The following SYNPO2 variants were observed in gnomAD, a reference collection of about 807,000 sequenced individuals.
SYNPO2 encodes the protein synaptopodin 2, also known as synaptopodin-2.
A neutral mutation model predicts 85.0 loss-of-function variants in SYNPO2; 56 were observed. The observed-to-expected ratio is 0.66, with a 90% CI of 0.53 to 0.82. SYNPO2 has a LOEUF of 0.82. Among genes scored for constraint, SYNPO2 ranks in the 40% least tolerant of loss-of-function variants. SYNPO2 has a pLI of 0.00. For synonymous variants in SYNPO2, 602 were observed against 591.1 expected, an observed-to-expected ratio of 1.02 and a Z score of -0.27; for missense variants, 1,575 against 1,534.2, an observed-to-expected ratio of 1.03 and a Z score of -0.44.
intron 4 of SYNPO2, chr4:119,042,169 C>G (rs1738736945): frequency 6.6e-6 from 1 of 152,172 alleles, no homozygotes; most frequent in African/African-American, 2.4e-5. Flanking sequence ...CTCCTTCCCT[C>G]TCAGTGCTTC....
At chr4:118,990,187 T>C (rs192762952) in intron 1 of SYNPO2, among the ~76,000 whole-genome samples, 2 of 152,250 alleles carry the variant, frequency 1.3e-5, no homozygotes, top group Admixed American at 1.3e-4. Flanking sequence ...ACCTATCATA[T>C]TGGATTATTG....
chr4:118,906,077 T>G (rs913680517), intron 1 of SYNPO2, among the ~76,000 whole-genome samples: 1 of 152,152 alleles, frequency 6.6e-6, no homozygotes, highest in Admixed American at 6.5e-5. Context: ...ACATAACATG[T>G]ATAACTAGAT....
intron 1 of SYNPO2, among the ~76,000 whole-genome samples, chr4:118,862,052 T>C (rs1399433138): frequency 6.6e-6 from 1 of 152,218 alleles, no homozygotes; most frequent in Non-Finnish European, 1.5e-5. Context: ...ATTGTAGAGA[T>C]CTTTCACTTT....
intron 1 of SYNPO2, among the ~76,000 whole-genome samples, chr4:118,977,637 TGGGATCCAGCCATTCTCCTGATGGCA>T (rs1181858377): frequency 2.0e-5 from 3 of 152,244 alleles, no homozygotes; most frequent in African/African-American, 7.2e-5. Context: ...GCCTTGTGGG[TGGGATCCAGCCATTCTCCTGATGGCA>T]GGGAAGAGCT....
chr4:118,871,226 C>G (rs1731793503), intron 1 of SYNPO2, among the ~76,000 whole-genome samples: 1 of 152,188 alleles, frequency 6.6e-6, no homozygotes, highest in East Asian at 1.9e-4. Flanking sequence ...CCTTCCTCTA[C>G]CACATCCCTC....
intron 1 of SYNPO2, among the ~76,000 whole-genome samples, chr4:119,021,631 T>G (rs1359957624): frequency 3.3e-5 from 5 of 152,164 alleles, no homozygotes; most frequent in Non-Finnish European, 7.4e-5. Context: ...ATAGGTGGCA[T>G]GCTCAAAGAA....
In SYNPO2 at chr4:118,907,371, T is replaced by A. The variant is rs560464463; in HGVS notation, c.105+18230T>A. 2.2e-4 allele frequency among the ~76,000 whole-genome samples: 34 copies of A among 152,306 alleles called. 1 individual carries two copies. In the South Asian group the frequency reaches 7.0e-3, roughly 32 times the overall value. ...CCAAAGAAACAACTGATACAGACCA[T>A]CTTGTAGAGTTAAAACCATTCATTT... On this transcript the variant is annotated intron_variant, in intron 1 of 4. Coordinates refer to ENST00000307142, the MANE Select transcript of SYNPO2 (RefSeq NM_133477.3).
intron 1 of SYNPO2, among the ~76,000 whole-genome samples, chr4:118,921,686 T>C (rs1733542061): frequency 1.3e-5 from 2 of 152,168 alleles, no homozygotes; most frequent in Admixed American, 1.3e-4. Context: ...CCTTTATTAA[T>C]TATGTCTTGT....
intron 3 of SYNPO2, 44 bp downstream of exon 3, chr4:119,027,482 G>A (rs770557468): frequency 2.0e-6 from 3 of 1,464,032 alleles, no homozygotes; most frequent in African/African-American, 2.8e-5. Context: ...GGAGTTGGGG[G>A]CATTTTGCTG....
At chr4:119,008,921 T>C (rs1387282725) in intron 1 of SYNPO2, among the ~76,000 whole-genome samples, 2 of 152,198 alleles carry the variant, frequency 1.3e-5, no homozygotes, top group African/African-American at 4.8e-5. Flanking sequence ...ACTTAGTAAT[T>C]TCATCTCTTT....
At position 119,031,098 on chromosome 4, in the gene SYNPO2, C is replaced by A. The variant is rs768036976; in HGVS notation, c.2323C>A (p.Pro775Thr). ...VKSSSSQPVTPVSPVWSPGVA... is the reference protein window; with the variant it reads ...VKSSSSQPVTTVSPVWSPGVA... ...GTCCTCATCCTCCCAACCAGTAACT[C>A]CAGTTTCCCCAGTCTGGTCTCCAGG... Residue 775 changes from proline (P) to threonine (T), a missense_variant, in exon 4 of 5, where the codon CCA becomes ACA. This residue lies in a region of SYNPO2 where 1,508 missense variants were observed against 1,446.8 expected (regional missense o/e 1.04). Coordinates refer to ENST00000307142, the MANE Select transcript of SYNPO2 (RefSeq NM_133477.3). 3 of 1,614,142 alleles carry A rather than the reference C, an allele frequency of 1.9e-6. No homozygotes were observed. The South Asian group carries it at 3.3e-5, about 18-fold the overall frequency.
At chr4:118,927,488 G>A (rs1025157431) in intron 1 of SYNPO2, among the ~76,000 whole-genome samples, 1 of 152,086 alleles carries the variant, frequency 6.6e-6, no homozygotes, top group Non-Finnish European at 1.5e-5. Context: ...TCTGAACCGA[G>A]TCTAAAGCGC....
At chr4:119,035,292 G>A (rs1738462866) in intron 4 of SYNPO2, 2 of 985,398 alleles carry the variant, frequency 2.0e-6, no homozygotes, top group African/African-American at 1.7e-5. Flanking sequence ...GATTCTAGGA[G>A]GAAGGAAGGT....
Position 119,057,882 on chromosome 4 carries a change from T to C in SYNPO2, c.3734T>C (p.Val1245Ala). The part of the protein sequence containing the change: ...METRSDYCLP[V>A]ADYNYNPHPR... ...ACCAGGTCTGATTACTGTCTTCCAGTAGCTGATTACAACTACAACCCACAC... is the reference window on the plus strand; with the variant it reads ...ACCAGGTCTGATTACTGTCTTCCAGCAGCTGATTACAACTACAACCCACAC... Residue 1245 changes from valine to alanine, a missense_variant, in exon 5 of 5, where the codon GTA (valine) becomes GCA (alanine). Val to Ala is a moderately conservative substitution (Grantham distance 64). Transcript: ENST00000307142. The C allele has an allele frequency of 6.2e-7, 1 of 1,614,108 alleles. No homozygotes were observed.
At position 118,941,399 on chromosome 4, in the gene SYNPO2, T is replaced by A. The variant is rs150131145; in HGVS notation, c.105+52258T>A. Among the ~76,000 whole-genome samples, 579 of 152,284 alleles carry A rather than the reference T, an allele frequency of 3.8e-3. 25 individuals carry two copies. The highest frequency in any genetic ancestry group is 0.035 in the Admixed American group (537 of 15,288). ...CATCTGTCCAGCTCTTTCCTCACAA[T>A]GCAACCAGAAGGATCTTCCTAATAA... On this transcript the variant is annotated intron_variant, in intron 1 of 4. Coordinates refer to ENST00000307142, the MANE Select transcript of SYNPO2 (RefSeq NM_133477.3).
upstream of SYNPO2, among the ~76,000 whole-genome samples, chr4:118,885,279 A>G (rs1428906439): frequency 6.6e-6 from 1 of 152,156 alleles, no homozygotes; most frequent in East Asian, 1.9e-4. Flanking sequence ...GAAAAATAAC[A>G]TAGACATTAT....
chr4:119,044,893 G>C (rs932621339), intron 4 of SYNPO2, among the ~76,000 whole-genome samples: 2 of 152,212 alleles, frequency 1.3e-5, no homozygotes, highest in African/African-American at 2.4e-5. Context: ...GTCACACACT[G>C]TATAGTTGCT....
intron 1 of SYNPO2, among the ~76,000 whole-genome samples, chr4:119,000,570 A>G (rs1736788008): frequency 6.6e-6 from 1 of 152,190 alleles, no homozygotes; most frequent in South Asian, 2.1e-4. Flanking sequence ...AGTTGCTCAC[A>G]TTACACAGGC....
intron 2 of SYNPO2, 41 bp downstream of exon 2, chr4:119,023,622 T>C: frequency 6.3e-7 from 1 of 1,587,478 alleles, no homozygotes; most frequent in Non-Finnish European, 8.6e-7. Context: ...CTCTTGAAGC[T>C]ACATGGGAAT....
Sources: allele counts gnomAD v4.1 joint callset (sites outside exome capture counted in the v4.1 genomes callset), GRCh38; gene constraint gnomAD v4.1.1; regional missense constraint gnomAD v4.1.1; transcripts MANE v1.5; gene names NCBI Gene and HGNC (gene_info 2026-07-23, HGNC 2026-07-21).